Variants in GMDS observed in about 807,000 individuals in gnomAD.
The protein encoded by GMDS is GDP-mannose 4,6 dehydratase.
In GMDS, 20 loss-of-function variants were observed where a neutral mutation model predicts 49.9. The observed-to-expected ratio is 0.40, with a 90% CI of 0.28 to 0.58. GMDS has a LOEUF of 0.58. Among genes scored for constraint, GMDS ranks in the 20% least tolerant of loss-of-function variants. The pLI, the probability that GMDS is intolerant of heterozygous loss-of-function variation, is 0.42. For synonymous variants in GMDS, 177 were observed against 178.6 expected, an observed-to-expected ratio of 0.99 and a Z score of 0.07; for missense variants, 362 against 481.4, an observed-to-expected ratio of 0.75 and a Z score of 2.32.
chr6:1,892,930 C>G lies in GMDS; in HGVS notation c.771+37173G>C, dbSNP rs550556936. 2.4e-3 allele frequency among the ~76,000 whole-genome samples: 366 copies of G among 152,320 alleles called. 3 individuals are homozygous for G. The highest frequency in any genetic ancestry group is 3.6e-3 in the Non-Finnish European group (242 of 68,022). On this transcript the variant is annotated intron_variant, in intron 7 of 10. Coordinates refer to ENST00000380815, the MANE Select transcript of GMDS (RefSeq NM_001500.4). ...AGAACCCAGTCCTGGCAACTGCTGCCTGGTCCTCTCCAGCGGCCTGTGCAG... is the reference window on the plus strand; with the variant it reads ...AGAACCCAGTCCTGGCAACTGCTGCGTGGTCCTCTCCAGCGGCCTGTGCAG...
chr6:1,998,139 T>G (rs1766412300), intron 4 of GMDS, among the ~76,000 whole-genome samples: 1 of 152,056 alleles, frequency 6.6e-6, no homozygotes, highest in Non-Finnish European at 1.5e-5. Context: ...CCTTCCAGAA[T>G]GTAAAGGAAA....
At chr6:2,068,854 C>T (rs142486843) in intron 4 of GMDS, among the ~76,000 whole-genome samples, 3,085 of 152,164 alleles carry the variant, frequency 0.02, 109 homozygotes, top group African/African-American at 0.068. Flanking sequence ...AGGTAATTTA[C>T]AGATTCAATG....
intron 7 of GMDS, among the ~76,000 whole-genome samples, chr6:1,926,488 T>C: frequency 6.6e-6 from 1 of 152,244 alleles, no homozygotes; most frequent in East Asian, 1.9e-4. Flanking sequence ...TTCAGCTGTA[T>C]AATTAAAACG....
rs1461833456 is a variant in GMDS, at chr6:1,969,134, T to C, written c.346-8168A>G. On this transcript the variant is annotated intron_variant, in intron 4 of 10. Coordinates refer to ENST00000380815, the MANE Select transcript of GMDS (RefSeq NM_001500.4). ...AAAATTAGCTGGGCATGGTGGCAGG[T>C]GCCTGTAGTCCCAGCTGCTTGGGAG... Among the ~76,000 whole-genome samples the C allele has an allele frequency of 6.0e-5, 9 of 150,256 alleles. No individual in the cohort carries two copies. In the East Asian group the frequency reaches 1.4e-3, roughly 23 times the overall value.
intron 7 of GMDS, among the ~76,000 whole-genome samples, chr6:1,844,309 A>C (rs1277329603): frequency 6.6e-6 from 1 of 152,208 alleles, no homozygotes; most frequent in African/African-American, 2.4e-5. Context: ...TCTCAAAGAA[A>C]AGACTAGGAT....
At chr6:1,771,150 T>C (rs1245912923) in intron 7 of GMDS, among the ~76,000 whole-genome samples, 1 of 152,190 alleles carries the variant, frequency 6.6e-6, no homozygotes. Flanking sequence ...TCTTTTGGAG[T>C]GAAGCCATCT....
chr6:2,222,980 G>T (rs1780658283), intron 1 of GMDS, among the ~76,000 whole-genome samples: 1 of 152,062 alleles, frequency 6.6e-6, no homozygotes, highest in Non-Finnish European at 1.5e-5. Context: ...CTGCCTCCAA[G>T]CGGCCTAGAT....
intron 4 of GMDS, among the ~76,000 whole-genome samples, chr6:2,053,246 T>C (rs920808377): frequency 1.3e-5 from 2 of 152,146 alleles, no homozygotes; most frequent in African/African-American, 2.4e-5. Flanking sequence ...ATATAACGAT[T>C]TGTAAATGGT....
At chr6:1,932,950 A>G (rs1043420011) in intron 6 of GMDS, among the ~76,000 whole-genome samples, 3 of 152,212 alleles carry the variant, frequency 2.0e-5, no homozygotes, top group African/African-American at 7.2e-5. Flanking sequence ...TATTCATAGA[A>G]ATGTACAACC....
At chr6:2,199,777 C>G (rs1779424735) in intron 1 of GMDS, among the ~76,000 whole-genome samples, 1 of 152,130 alleles carries the variant, frequency 6.6e-6, no homozygotes, top group African/African-American at 2.4e-5. Context: ...ATTCAAGTAT[C>G]AACTTAAAAG....
At chr6:2,043,339 A>C (rs745697343) in intron 4 of GMDS, 1 of 152,240 alleles carries the variant, frequency 6.6e-6, no homozygotes, top group African/African-American at 2.4e-5. Context: ...AATATACCTC[A>C]TAAGATCCTA....
At chr6:1,968,195 T>C (rs1015733716) in intron 4 of GMDS, among the ~76,000 whole-genome samples, 2 of 152,184 alleles carry the variant, frequency 1.3e-5, no homozygotes, top group African/African-American at 2.4e-5. Context: ...TAGGATAAGA[T>C]AAATGCCACT....
chr6:1,796,412 A>T (rs1581191725), intron 7 of GMDS, among the ~76,000 whole-genome samples: 1 of 152,214 alleles, frequency 6.6e-6, no homozygotes, highest in Non-Finnish European at 1.5e-5. Flanking sequence ...TGGCACTTTT[A>T]AAAAATACAA....
chr6:2,028,161 A>G (rs1318066380), intron 4 of GMDS, among the ~76,000 whole-genome samples: 1 of 152,222 alleles, frequency 6.6e-6, no homozygotes, highest in African/African-American at 2.4e-5. Context: ...GTGTAAAATG[A>G]ATACTTTTGT....
intron 1 of GMDS, among the ~76,000 whole-genome samples, chr6:2,193,115 C>A (rs1779121054): frequency 6.6e-6 from 1 of 152,120 alleles, no homozygotes; most frequent in South Asian, 2.1e-4. Context: ...GGGTGGAAAC[C>A]AGGAACACTA....
intron 1 of GMDS, among the ~76,000 whole-genome samples, chr6:2,172,209 A>G (rs897193306): frequency 6.6e-6 from 1 of 150,732 alleles, no homozygotes; most frequent in Admixed American, 6.6e-5. Context: ...GATTGAGGAG[A>G]AAAAATGAGA....
At chr6:1,668,853 A>G (rs904551342) in intron 9 of GMDS, among the ~76,000 whole-genome samples, 3 of 152,276 alleles carry the variant, frequency 2.0e-5, no homozygotes, top group Admixed American at 6.5e-5. Flanking sequence ...ATGTATAACT[A>G]GACAAAGCAA....
chr6:2,222,509 G>A (rs996364493), intron 1 of GMDS, among the ~76,000 whole-genome samples: 4 of 152,174 alleles, frequency 2.6e-5, no homozygotes, highest in Non-Finnish European at 2.9e-5. Flanking sequence ...GTAAACAATA[G>A]AAGCTTGGTC....
chr6:2,243,992 A>G (rs1233499601), intron 1 of GMDS, among the ~76,000 whole-genome samples: 1 of 151,314 alleles, frequency 6.6e-6, no homozygotes, highest in East Asian at 1.9e-4. Context: ...CCTCCTGAGT[A>G]GCTAGCACTA....
Sources: allele counts gnomAD v4.1 joint callset (sites outside exome capture counted in the v4.1 genomes callset), GRCh38; gene constraint gnomAD v4.1.1; transcripts MANE v1.5; gene names NCBI Gene and HGNC (gene_info 2026-07-23, HGNC 2026-07-21).